ATG3: variants seen among roughly 807,000 people sequenced by gnomAD.
ATG3 encodes the protein autophagy related 3.
Under a neutral mutation model 50.7 loss-of-function variants are expected in ATG3, and 25 were observed. That is an observed-to-expected ratio of 0.49 (90% CI 0.36 to 0.69). The LOEUF (loss-of-function observed/expected upper bound fraction) is 0.69, where lower values mean the gene tolerates loss of function less well. Ranked by LOEUF, ATG3 falls within the 30% of genes least tolerant of loss-of-function variation. ATG3 has a pLI of 0.00. For missense variants in ATG3, 281 were observed against 376.0 expected (o/e 0.75, Z 2.09); for synonymous variants, 119 against 125.5 (o/e 0.95, Z 0.34).
At chr3:112,533,044 A>G (rs916829207) in intron 11 of ATG3, 2 of 1,090,716 alleles carry the variant, frequency 1.8e-6, no homozygotes, top group Non-Finnish European at 1.1e-6. Context: ...ACTTTGACAT[A>G]AAAAGGACAA....
intron 5 of ATG3, among the ~76,000 whole-genome samples, chr3:112,548,324 C>A (rs1049010545): frequency 1.3e-5 from 2 of 152,118 alleles, no homozygotes. Flanking sequence ...AGCCTGGTGA[C>A]AGAGCAAGAC....
intron 5 of ATG3, among the ~76,000 whole-genome samples, chr3:112,545,486 C>T (rs907217650): frequency 2.0e-5 from 3 of 152,326 alleles, no homozygotes; most frequent in Non-Finnish European, 2.9e-5. Context: ...GTCTGTTCAA[C>T]ATGCCTAAAC....
intron 3 of ATG3, among the ~76,000 whole-genome samples, chr3:112,550,988 G>A (rs945757070): frequency 2.6e-5 from 4 of 152,148 alleles, no homozygotes; most frequent in African/African-American, 9.7e-5. Context: ...GGGAGAGCAA[G>A]GGTCAAAGCC....
intron 6 of ATG3, 122 bp from the exon 7 acceptor site, chr3:112,542,006 A>C (rs181732985): frequency 3.0e-6 from 2 of 663,936 alleles, no homozygotes; most frequent in African/African-American, 1.8e-5. Context: ...GTTCTTGTCC[A>C]CAAAAACCTT....
At chr3:112,552,320 G>T (rs1933549833) in intron 3 of ATG3, among the ~76,000 whole-genome samples, 1 of 151,804 alleles carries the variant, frequency 6.6e-6, no homozygotes, top group African/African-American at 2.4e-5. Flanking sequence ...ATAAAACACT[G>T]TTATTATTCA....
rs147562034 is a variant in ATG3 at position 112,533,561 on chromosome 3, A to C, written c.863+708T>G. On this transcript the variant is annotated intron_variant, in intron 11 of 11. Transcript: ENST00000283290. ...ACGTGGCATCTTAGTCTCCACATCT[A>C]ATCTAACACATAGTAGCCGAAACCA... 155 of 985,356 alleles carry C rather than the reference A, an allele frequency of 1.6e-4. 2 individuals are homozygous for C. In the African/African-American group the frequency reaches 2.4e-3, roughly 15 times the overall value. 61.0% of individuals were successfully genotyped at this position (985,356 alleles called of 1,614,324 possible).
chr3:112,561,654 GGGGACGGGACGCGACGCGAC>G lies in ATG3; in HGVS notation c.-146_-127del. On this transcript the variant is annotated 5_prime_UTR_variant, in exon 1 of 12. Coordinates refer to ENST00000283290, the MANE Select transcript of ATG3 (RefSeq NM_022488.5). Reference sequence around the variant, plus strand: ...TCAGCACCCGGCTGGCAGCACCCGAGGGGACGGGACGCGACGCGACGGGACGGGCGGGACGAGGGGGCGGG... The same window carrying G: ...TCAGCACCCGGCTGGCAGCACCCGAGGGGACGGGCGGGACGAGGGGGCGGG... 1 of 988,496 alleles carries G rather than the reference GGGGACGGGACGCGACGCGAC, an allele frequency of 1.0e-6. No individual in the cohort carries two copies. Among genetic ancestry groups the G allele is most frequent in the Non-Finnish European group, 1.5e-6 (1 of 672,618 alleles). The allele number at this position is 988,496 out of a possible 1,614,324, so 61.2% of individuals were successfully genotyped here.
At chr3:112,548,132 T>C (rs745811767) in intron 5 of ATG3, among the ~76,000 whole-genome samples, 2 of 152,190 alleles carry the variant, frequency 1.3e-5, no homozygotes, top group East Asian at 1.9e-4. Flanking sequence ...GGCAGCCAGA[T>C]GACGAGGTCA....
intron 9 of ATG3, among the ~76,000 whole-genome samples, chr3:112,537,170 CAA>C (rs1233495131): frequency 1.3e-5 from 2 of 151,998 alleles, no homozygotes; most frequent in African/African-American, 4.8e-5. Context: ...AAAAATCTCA[CAA>C]AAAGACAAGT....
intron 1 of ATG3, among the ~76,000 whole-genome samples, chr3:112,560,084 G>A (rs898029046): frequency 6.6e-5 from 10 of 152,144 alleles, no homozygotes; most frequent in Non-Finnish European, 1.2e-4. Flanking sequence ...TCAGTTTGGT[G>A]AGCAAGTATG....
intron 4 of ATG3, among the ~76,000 whole-genome samples, chr3:112,549,822 T>C (rs1169602339): frequency 2.1e-5 from 3 of 141,578 alleles, no homozygotes; most frequent in East Asian, 2.1e-4. Flanking sequence ...AAAAAACCAC[T>C]ACCTGTTTCA....
rs752509342 is a variant in ATG3, at chr3:112,548,606, A to G, written c.270T>C (p.Tyr90=). ...PCYKRCKQME[Y]SDELEAIIEE... is the part of the protein sequence containing the mutation. Reference sequence around the variant, plus strand: ...CAATGATAGCTTCCAATTCATCTGAATATTCCATCTGTTTGCACCGCTTAT... The same window carrying G: ...CAATGATAGCTTCCAATTCATCTGAGTATTCCATCTGTTTGCACCGCTTAT... The change falls in exon 5 of 12, where the codon TAT becomes TAC. Residue 90 remains tyrosine, a synonymous_variant. Coordinates refer to ENST00000283290, the MANE Select transcript of ATG3 (RefSeq NM_022488.5). The G allele has an allele frequency of 3.1e-6, 5 of 1,613,942 alleles. No homozygotes were observed. The Admixed American group carries it at 8.3e-5, about 27-fold the overall frequency.
intron 1 of ATG3, among the ~76,000 whole-genome samples, chr3:112,559,055 C>G (rs769437591): frequency 6.6e-6 from 1 of 152,190 alleles, no homozygotes; most frequent in Non-Finnish European, 1.5e-5. Flanking sequence ...TATGTACAAA[C>G]ATTCTAAGAT....
At position 112,536,610 on chromosome 3, in the gene ATG3, C is replaced by CAT; in HGVS notation, c.667-10_667-9dup. 1.2e-6 allele frequency: 2 copies of CAT among 1,612,116 alleles called. No individual in the cohort carries two copies. Among genetic ancestry groups the CAT allele is most frequent in the Non-Finnish European group, 1.7e-6 (2 of 1,178,302 alleles). Reference sequence around the variant, plus strand: ...TGTTAAAGGCTGCCGTTGCTGAAAGCATAAAAAATGCTTTGAAATTACTAT... The same window carrying CAT: ...TGTTAAAGGCTGCCGTTGCTGAAAGCATATAAAAAATGCTTTGAAATTACTAT... On this transcript the variant is annotated splice_polypyrimidine_tract_variant and intron_variant, in intron 9 of 11. Transcript: ENST00000283290.
At chr3:112,554,071 G>C (rs1344681499) in intron 2 of ATG3, among the ~76,000 whole-genome samples, 1 of 152,202 alleles carries the variant, frequency 6.6e-6, no homozygotes, top group Non-Finnish European at 1.5e-5. Flanking sequence ...TTAACCATTT[G>C]AGAATTATCA....
At chr3:112,561,431 C>G in intron 1 of ATG3, 26 bp downstream of exon 1, 1 of 1,610,424 alleles carries the variant, frequency 6.2e-7, no homozygotes, top group East Asian at 2.2e-5. Context: ...TGCCTGACAG[C>G]TCCCGGCAAC....
rs1553738120 is a variant in ATG3, at chr3:112,544,658, G to GAGAAAAAAAAAAAAA, written c.344-553_344-552insTTTTTTTTTTTTTCT. On this transcript the variant is annotated intron_variant, in intron 5 of 11. Coordinates refer to ENST00000283290, the MANE Select transcript of ATG3 (RefSeq NM_022488.5). ...GACAAGAGCGAAACTCCGTCTCAGG[G>GAGAAAAAAAAAAAAA]AAAAAAAAAAAAGGAAAGACAAGAG... is the stretch of plus-strand genomic sequence containing the variant. Among the ~76,000 whole-genome samples, 6 of 64,104 alleles carry GAGAAAAAAAAAAAAA rather than the reference G, an allele frequency of 9.4e-5. No individual in the cohort carries two copies. In the East Asian group the frequency reaches 2.2e-3, roughly 23 times the overall value. 42.1% of individuals were successfully genotyped at this position (64,104 alleles called of 152,430 possible).
intron 10 of ATG3, chr3:112,536,143 A>AATG (rs3083210): frequency 0.98 from 240,793 of 244,632 alleles, 118,542 homozygotes; most frequent in Admixed American, 0.99. Flanking sequence ...ACCATATCTA[A>AATG]ATGACTATTT....
In ATG3 at chr3:112,550,307, T is replaced by C. The variant is rs377048814; in HGVS notation, c.165-45A>G. On this transcript the variant is annotated intron_variant, in intron 3 of 11. Transcript: ENST00000283290. ...CACCAAAATACAAAACATATTTTAA[T>C]AGGCAAATATACAGCAGAAAGTATT... 12 of 1,392,908 alleles carry C rather than the reference T, an allele frequency of 8.6e-6. No individual in the cohort carries two copies. The African/African-American group carries it at 1.4e-4, about 17-fold the overall frequency. The allele number at this position is 1,392,908 out of a possible 1,614,324, so 86.3% of individuals were successfully genotyped here.
Sources: gnomAD v4.1 joint callset for allele counts (sites outside exome capture counted in the v4.1 genomes callset) on GRCh38, gnomAD v4.1.1 for gene constraint, MANE v1.5 for transcripts, NCBI Gene and HGNC (gene_info 2026-07-23, HGNC 2026-07-21) for gene names.